NEB: variants seen among roughly 807,000 people sequenced by gnomAD.
NEB encodes nemaline myopathy type 2.
In NEB, 512 loss-of-function variants were observed where a neutral mutation model predicts 952.2. That is an observed-to-expected ratio of 0.54 (90% CI 0.50 to 0.58). The LOEUF is 0.58. Ranked by LOEUF, NEB falls within the 20% of genes least tolerant of loss-of-function variation. The probability of loss-of-function intolerance (pLI) is 0.00; values close to 1 mark genes in which losing one functional copy is unlikely to be tolerated. For synonymous variants in NEB, 2,900 were observed against 3,149.8 expected (o/e 0.92, Z 2.66); for missense variants, 8,428 against 9,231.1 (o/e 0.91, Z 3.56).
intron 126 of NEB, 119 bp downstream of exon 126, chr2:151,553,709 A>T: frequency 9.5e-7 from 1 of 1,049,166 alleles, no homozygotes. Context: ...GGACAAATGG[A>T]CATATAGGGA....
intron 181 of NEB, among the ~76,000 whole-genome samples, chr2:151,489,723 A>G (rs959875834): frequency 6.6e-6 from 1 of 152,180 alleles, no homozygotes; most frequent in South Asian, 2.1e-4. Context: ...GGTGAGACCA[A>G]TGAGCCAAAA....
chr2:151,707,000 G>A lies in NEB; in HGVS notation c.1036-3C>T, dbSNP rs1163459329. The stretch of plus-strand genomic sequence containing the variant: ...TCATAGTCTTCTTTGTATTTTACCT[G>A]TAGGAGTGAAATAAAATGATAAAGT... On this transcript the variant is annotated splice_polypyrimidine_tract_variant and splice_region_variant and intron_variant, in intron 12 of 181. Transcript: ENST00000397345. 1 of 1,534,270 alleles carries A rather than the reference G, an allele frequency of 6.5e-7. No individual in the cohort carries two copies. The highest frequency in any genetic ancestry group is 1.9e-5 in the Admixed American group (1 of 51,982).
At chr2:151,508,293 A>T (rs1242517156) in intron 161 of NEB, among the ~76,000 whole-genome samples, 184 bp from the exon 162 acceptor site, 6 of 152,230 alleles carry the variant, frequency 3.9e-5, no homozygotes, top group African/African-American at 1.2e-4. Flanking sequence ...AAAGAGCACC[A>T]TACTTTTTCT....
At chr2:151,726,477 T>C (rs182451592) in intron 5 of NEB, among the ~76,000 whole-genome samples, 2 of 152,334 alleles carry the variant, frequency 1.3e-5, no homozygotes, top group African/African-American at 2.4e-5. Flanking sequence ...TTTAGTCTTA[T>C]ATAATCCAAT....
rs994751985 is a variant in NEB at position 151,697,275 on chromosome 2, A to G, written c.1366-23T>C. ...TTTCTATGAGGAGAAGAAATTAGGC[A>G]TAAGATGCAGCCATTGTATTCATGC... On this transcript the variant is annotated intron_variant, in intron 15 of 181. Transcript: ENST00000397345. The G allele has an allele frequency of 1.9e-6, 3 of 1,611,298 alleles. No homozygotes were observed. In the African/African-American group the frequency reaches 4.0e-5, roughly 22 times the overall value.
At chr2:151,539,954 C>T (rs537542648) in intron 138 of NEB, among the ~76,000 whole-genome samples, 25 of 152,186 alleles carry the variant, frequency 1.6e-4, no homozygotes, top group Admixed American at 5.2e-4. Context: ...AAAAGAGACT[C>T]GGAAAAATTA....
chr2:151,524,427 A>G lies in NEB; in HGVS notation c.22375-12T>C. ...GCTCTGTACTCCACCTGAATCAGAG[A>G]AAACCAAAATGGGCAACAGGTGATG... On this transcript the variant is annotated splice_polypyrimidine_tract_variant and intron_variant, in intron 152 of 181. Transcript: ENST00000397345. 3 of 1,613,920 alleles carry G rather than the reference A, an allele frequency of 1.9e-6. No individual in the cohort carries two copies. Among genetic ancestry groups the G allele is most frequent in the Non-Finnish European group, 2.5e-6 (3 of 1,179,836 alleles).
chr2:151,654,438 A>T (rs1275785344), intron 51 of NEB, among the ~76,000 whole-genome samples: 2 of 152,188 alleles, frequency 1.3e-5, no homozygotes, highest in African/African-American at 4.8e-5. Flanking sequence ...TTGAAGATAG[A>T]TATTAAGATA....
Position 151,569,283 on chromosome 2 carries a change from C to T in NEB, c.17520G>A (p.Ala5840=), listed in dbSNP as rs372786852. 38 of 1,613,622 alleles carry T rather than the reference C, an allele frequency of 2.4e-5. No individual in the cohort carries two copies. Among genetic ancestry groups the T allele is most frequent in the African/African-American group, 6.7e-5 (5 of 74,878 alleles). ...SVSVNHAKHA[A]DIFSEKKYRT... is the part of the protein sequence containing the mutation. ...CTTGGAATACCTCACTGAAGATGTC[C>T]GCGGCATGTTTGGCATGATTGACGG... The change falls in exon 110 of 182, where the codon GCG becomes GCA. Residue 5840 remains alanine, a synonymous_variant. Coordinates refer to ENST00000397345, the MANE Select transcript of NEB (RefSeq NM_001164508.2).
intron 13 of NEB, among the ~76,000 whole-genome samples, chr2:151,702,991 C>T (rs1254734911): frequency 6.6e-6 from 1 of 152,046 alleles, no homozygotes; most frequent in Non-Finnish European, 1.5e-5. Flanking sequence ...TTTGCAGTGG[C>T]TGGTACCGGT....
At chr2:151,644,336 C>T (rs1396871079) in intron 56 of NEB, 132 bp downstream of exon 56, 5 of 1,052,984 alleles carry the variant, frequency 4.7e-6, no homozygotes, top group African/African-American at 1.6e-5. Flanking sequence ...CCTCATCCCA[C>T]ACTGCATGGG....
chr2:151,650,254 T>C lies in NEB; in HGVS notation c.7353A>G (p.Pro2451=). Residue 2451 remains proline, a synonymous_variant, in exon 54 of 182, where the codon CCA becomes CCG. Coordinates refer to ENST00000397345, the MANE Select transcript of NEB (RefSeq NM_001164508.2). ...IISEKKYRQP[P]DRNKFTSIPD... ...GAATGCTGGTGAACTTGTTTCTGTCTGGAGGCTGACGATATTTCTTCTCAC... is the reference window on the plus strand; with the variant it reads ...GAATGCTGGTGAACTTGTTTCTGTCCGGAGGCTGACGATATTTCTTCTCAC... The C allele has an allele frequency of 6.2e-7, 1 of 1,613,942 alleles. No homozygotes were observed. Among genetic ancestry groups the C allele is most frequent in the Non-Finnish European group, 8.5e-7 (1 of 1,179,862 alleles).
intron 65 of NEB, among the ~76,000 whole-genome samples, 172 bp from the exon 66 acceptor site, chr2:151,631,518 C>T (rs932794552): frequency 3.3e-5 from 5 of 152,210 alleles, no homozygotes; most frequent in African/African-American, 9.6e-5. Flanking sequence ...GAAATATCTC[C>T]TAGCCATAAT....
At chr2:151,530,392 C>A (rs181081859) in intron 145 of NEB, among the ~76,000 whole-genome samples, 5 of 152,034 alleles carry the variant, frequency 3.3e-5, no homozygotes, top group Non-Finnish European at 7.4e-5. Context: ...TCGAGGGCCT[C>A]GATCTGGGCT....
chr2:151,650,413 ATT>A, intron 53 of NEB, 34 bp from the exon 54 acceptor site: 1 of 1,596,066 alleles, frequency 6.3e-7, no homozygotes, highest in African/African-American at 1.3e-5. Flanking sequence ...TCAAAATCCC[ATT>A]CTCACCTGGA....
Position 151,684,874 on chromosome 2 carries a change from G to T in NEB, c.2739C>A (p.Ser913Arg). The T allele has an allele frequency of 6.2e-7, 1 of 1,613,018 alleles. No homozygotes were observed. The change falls in exon 28 of 182, where the codon AGC becomes AGA. Residue 913 changes from serine (S) to arginine (R), a missense_variant. This residue lies in a region of NEB where 2,851 missense variants were observed against 2,791.5 expected (regional missense o/e 1.02). Coordinates refer to ENST00000397345, the MANE Select transcript of NEB (RefSeq NM_001164508.2). Reference protein sequence around the residue: ...TQAKKSQAIASDVDYKHILHS... With the variant: ...TQAKKSQAIARDVDYKHILHS... Reference sequence around the variant, plus strand: ...GTAAGATGTGCTTATAATCAACGTCGCTGGCAATTGCCTGAGATTTCTTAG... The same window carrying T: ...GTAAGATGTGCTTATAATCAACGTCTCTGGCAATTGCCTGAGATTTCTTAG...
chr2:151,696,580 G>T, intron 17 of NEB, 57 bp downstream of exon 17: 3 of 1,292,824 alleles, frequency 2.3e-6, no homozygotes, highest in South Asian at 1.2e-5. Context: ...TTTATGTATA[G>T]AGTTATGAAA....
chr2:151,569,988 G>A (rs570447892), intron 109 of NEB, 93 bp downstream of exon 109: 24 of 1,277,814 alleles, frequency 1.9e-5, no homozygotes, highest in Middle Eastern at 2.7e-4. Context: ...ATATGAAGTC[G>A]TAAAATGATG....
chr2:151,657,936 G>T, intron 48 of NEB, 47 bp downstream of exon 48: 1 of 1,331,260 alleles, frequency 7.5e-7, no homozygotes, highest in Non-Finnish European at 1.1e-6. Context: ...TTATTATTTC[G>T]GTTCCTTAGA....
Sources: gnomAD v4.1 joint callset for allele counts (sites outside exome capture counted in the v4.1 genomes callset) on GRCh38, gnomAD v4.1.1 for gene constraint, gnomAD v4.1.1 regional missense constraint, MANE v1.5 for transcripts, NCBI Gene and HGNC (gene_info 2026-07-23, HGNC 2026-07-21) for gene names.